The following MRE11 variants were observed in gnomAD, a reference collection of about 807,000 sequenced individuals.
The protein encoded by MRE11 is double-strand break repair protein MRE11.
A neutral mutation model predicts 91.7 loss-of-function variants in MRE11; 62 were observed. The observed-to-expected ratio is 0.68, with a 90% CI of 0.55 to 0.84. The LOEUF (loss-of-function observed/expected upper bound fraction) is 0.84, where lower values mean the gene tolerates loss of function less well. Ranked by LOEUF, MRE11 falls within the 40% of genes least tolerant of loss-of-function variation. The pLI is 0.00. For synonymous variants in MRE11, 273 were observed against 271.4 expected (o/e 1.01, Z -0.06); for missense variants, 796 against 852.9 (o/e 0.93, Z 0.83).
At chr11:94,483,023 C>T (rs1351040936) in intron 4 of MRE11, among the ~76,000 whole-genome samples, 1 of 152,044 alleles carries the variant, frequency 6.6e-6, no homozygotes, top group African/African-American at 2.4e-5. Context: ...TTTTGAAAAA[C>T]AAGGACAAAG....
rs1554996362 is a variant in MRE11 at position 94,419,459 on chromosome 11, G to GGAGAGGGA, written c.*658_*665dup. On this transcript the variant is annotated 3_prime_UTR_variant, in exon 20 of 20. Transcript: ENST00000323929. Reference sequence around the variant, plus strand: ...AGAAAGGAAGAGTGGGGAACGGGGGGGAGAGGGAGAGAGAGAGAGAGAGAG... The same window carrying GGAGAGGGA: ...AGAAAGGAAGAGTGGGGAACGGGGGGGAGAGGGAGAGAGGGAGAGAGAGAGAGAGAGAG... The GGAGAGGGA allele has an allele frequency of 3.3e-5, 6 of 183,568 alleles. No individual in the cohort carries two copies. Among genetic ancestry groups the GGAGAGGGA allele is most frequent in the African/African-American group, 6.0e-5 (2 of 33,456 alleles). 11.4% of individuals were successfully genotyped at this position (183,568 alleles called of 1,614,324 possible).
At chr11:94,494,408 G>T (rs988750627), upstream of MRE11, among the ~76,000 whole-genome samples, 1 of 152,218 alleles carries the variant, frequency 6.6e-6, no homozygotes, top group Non-Finnish European at 1.5e-5. Context: ...TAGAACTTTT[G>T]AATTAGAACG....
chr11:94,480,745 C>A (rs1453165105), intron 4 of MRE11, among the ~76,000 whole-genome samples: 2 of 152,176 alleles, frequency 1.3e-5, no homozygotes, highest in Non-Finnish European at 2.9e-5. Context: ...AGTAGGTCAT[C>A]CAGCTCTTAA....
At chr11:94,502,248 T>C in the MRE11 span, among the ~76,000 whole-genome samples, 1 of 152,240 alleles carries the variant, frequency 6.6e-6, no homozygotes, top group East Asian at 1.9e-4. Flanking sequence ...TCTATCTGAT[T>C]CTACCACCTT....
At chr11:94,466,821 C>T (rs1946576862) in intron 10 of MRE11, among the ~76,000 whole-genome samples, 1 of 152,148 alleles carries the variant, frequency 6.6e-6, no homozygotes, top group Admixed American at 6.5e-5. Flanking sequence ...AACAACACTG[C>T]TGGTTTAAAG....
At chr11:94,451,386 C>T (rs1025248796) in intron 14 of MRE11, among the ~76,000 whole-genome samples, 16 of 152,040 alleles carry the variant, frequency 1.1e-4, no homozygotes, top group Non-Finnish European at 1.6e-4. Flanking sequence ...CAGAAAGTTT[C>T]GTAGGTAAAT....
Position 94,437,215 on chromosome 11 carries a change from G to A in MRE11, c.1888C>T (p.Gln630Ter), listed in dbSNP as rs2134840569. ...IIDAFKSTRQQPSRNVTTKNY... is the reference protein window; with the variant it reads ...IIDAFKSTRQ ...TTAGTAGTGACATTTCGGGAAGGCT[G>A]CTGTCTTGTAGATTTAAAGGCTAGA... The change falls in exon 17 of 20, where the codon CAG becomes TAG. Residue 630 changes from glutamine (Q) to a stop codon, truncating the protein, a stop_gained. Transcript: ENST00000323929. LOFTEE classifies it high-confidence loss of function. The A allele has an allele frequency of 3.1e-6, 5 of 1,612,802 alleles. No individual in the cohort carries two copies. The highest frequency in any genetic ancestry group is 3.4e-6 in the Non-Finnish European group (4 of 1,179,322).
chr11:94,439,418 TAGATA>T (rs1213302706), intron 16 of MRE11, among the ~76,000 whole-genome samples: 2 of 152,160 alleles, frequency 1.3e-5, no homozygotes, highest in Non-Finnish European at 2.9e-5. Context: ...TCAAATCAAT[TAGATA>T]AAAGACAAAT....
chr11:94,452,492 G>T (rs1036820653), intron 14 of MRE11, among the ~76,000 whole-genome samples: 1 of 152,090 alleles, frequency 6.6e-6, no homozygotes, highest in Non-Finnish European at 1.5e-5. Context: ...GACATCTTTG[G>T]ACTAATGTGG....
intron 18 of MRE11, among the ~76,000 whole-genome samples, chr11:94,432,380 G>A (rs10831228): frequency 0.15 from 22,786 of 152,164 alleles, 2,086 homozygotes; most frequent in African/African-American, 0.25. Flanking sequence ...CAAAGGCTGA[G>A]TAAGGTTAAA....
In MRE11 at chr11:94,419,743, T is replaced by C. The variant is rs1379018720; in HGVS notation, c.*382A>G. 4.1e-6 allele frequency: 1 copy of C among 245,750 alleles called. No homozygotes were observed. The highest frequency in any genetic ancestry group is 7.9e-6 in the Non-Finnish European group (1 of 125,802). The allele number at this position is 245,750 out of a possible 1,614,324, so 15.2% of individuals were successfully genotyped here. On this transcript the variant is annotated 3_prime_UTR_variant, in exon 20 of 20. Transcript: ENST00000323929. ...TTAGACATAGGTTCGCATAAATTGT[T>C]TTACTTTCAGAAAACCCAGAACCTC...
chr11:94,463,807 G>A (rs1405025945), intron 11 of MRE11, among the ~76,000 whole-genome samples: 3 of 151,930 alleles, frequency 2.0e-5, no homozygotes, highest in Admixed American at 2.0e-4. Flanking sequence ...GGGAGGGATA[G>A]CATTAAGAGC....
intron 19 of MRE11, among the ~76,000 whole-genome samples, chr11:94,420,602 C>T (rs1191966400): frequency 6.6e-6 from 1 of 152,186 alleles, no homozygotes; most frequent in Non-Finnish European, 1.5e-5. Context: ...TCAGAAACAG[C>T]TGTAATTTTA....
At chr11:94,443,915 C>T (rs71477699) in intron 16 of MRE11, among the ~76,000 whole-genome samples, 23,761 of 147,620 alleles carry the variant, frequency 0.16, 2,495 homozygotes, top group African/African-American at 0.29. Context: ...GTTCCTTCAA[C>T]CAATTTTTTT....
At chr11:94,484,486 T>C (rs1316460162) in intron 4 of MRE11, among the ~76,000 whole-genome samples, 1 of 152,196 alleles carries the variant, frequency 6.6e-6, no homozygotes, top group Non-Finnish European at 1.5e-5. Flanking sequence ...TTAACTTATG[T>C]CCATCAGAAG....
At chr11:94,496,705 A>G, upstream of MRE11, 2 of 1,578,124 alleles carry the variant, frequency 1.3e-6, no homozygotes, top group Non-Finnish European at 1.7e-6. Context: ...TGGAAAAAGA[A>G]AAAGGAAATG....
intron 16 of MRE11, among the ~76,000 whole-genome samples, chr11:94,444,568 G>A (rs1336619496): frequency 6.6e-6 from 1 of 152,162 alleles, no homozygotes; most frequent in Non-Finnish European, 1.5e-5. Context: ...ACCTCTGCAA[G>A]ACTCATTAAA....
chr11:94,506,508 T>C, the MRE11 span, among the ~76,000 whole-genome samples: 1 of 150,924 alleles, frequency 6.6e-6, no homozygotes, highest in African/African-American at 2.4e-5. Flanking sequence ...ACCACCTAAG[T>C]CAATATAGTT....
Position 94,416,480 on chromosome 11 carries a change from A to G in MRE11, c.*3645T>C, listed in dbSNP as rs1444614108. On this transcript the variant is annotated 3_prime_UTR_variant, in exon 20 of 20. Transcript: ENST00000323929. ...TTTTCATTCAAGAATATGGAAACTC[A>G]TTGGACTGAAAAACCCAAATCTTCA... 1.3e-5 allele frequency: 2 copies of G among 152,290 alleles called. No homozygotes were observed. The highest frequency in any genetic ancestry group is 1.3e-4 in the Admixed American group (2 of 15,292). The allele number at this position is 152,290 out of a possible 1,614,324, so 9.4% of individuals were successfully genotyped here.
Sources: allele counts gnomAD v4.1 joint callset (sites outside exome capture counted in the v4.1 genomes callset), GRCh38; gene constraint gnomAD v4.1.1; transcripts MANE v1.5; gene names NCBI Gene and HGNC (gene_info 2026-07-23, HGNC 2026-07-21).